Variants in FEZ2 observed in about 807,000 individuals in gnomAD.
FEZ2 encodes the protein fasciculation and elongation protein zeta 2, also known as fasciculation and elongation protein zeta-2.
A neutral mutation model predicts 40.4 loss-of-function variants in FEZ2; 51 were observed. The ratio of observed to expected loss-of-function variants is 1.26; its 90% CI spans 1.01 to 1.59. The LOEUF is 1.59. Among genes scored for constraint, FEZ2 ranks in the 40% most tolerant of loss-of-function variants. The pLI, the probability that FEZ2 is intolerant of heterozygous loss-of-function variation, is 0.00. For missense variants in FEZ2, 640 were observed against 438.3 expected, an observed-to-expected ratio of 1.46 and a Z score of -4.11; for synonymous variants, 242 against 172.0, an observed-to-expected ratio of 1.41 and a Z score of -3.18.
chr2:36,578,531 C>T (rs1668639887), intron 5 of FEZ2, 66 bp downstream of exon 5: 2 of 1,524,000 alleles, frequency 1.3e-6, no homozygotes, highest in African/African-American at 1.4e-5. Flanking sequence ...GCCACCAGCC[C>T]CAAAGGCTGG....
chr2:36,577,261 C>CT lies in FEZ2; in HGVS notation c.903+1335dup, dbSNP rs869150145. Among the ~76,000 whole-genome samples the CT allele has an allele frequency of 2.3e-3, 325 of 143,524 alleles. 1 individual carries two copies. The highest frequency in any genetic ancestry group is 0.01 in the East Asian group (52 of 4,970). 94.2% of individuals were successfully genotyped at this position (143,524 alleles called of 152,430 possible). A position where few individuals can be genotyped will look rare whatever the true frequency, so the allele number is the denominator to read the frequency against. On this transcript the variant is annotated intron_variant, in intron 5 of 7. Coordinates refer to ENST00000405912, the MANE Select transcript of FEZ2 (RefSeq NM_005102.3). ...TCAAAGTCAGTGCATAAGCAATGTC[C>CT]TTTTTTTTTTTTTGAGATGGAGTTT...
chr2:36,581,632 T>C lies in FEZ2; in HGVS notation c.493-201A>G, dbSNP rs78088221. On this transcript the variant is annotated intron_variant, in intron 3 of 7. Coordinates refer to ENST00000405912, the MANE Select transcript of FEZ2 (RefSeq NM_005102.3). Reference sequence around the variant, plus strand: ...GGTTTATCAAGAAAAAATTACAATATACTAAACACAAACCTAAATAGAATT... The same window carrying C: ...GGTTTATCAAGAAAAAATTACAATACACTAAACACAAACCTAAATAGAATT... 8.3e-3 allele frequency: 4,545 copies of C among 549,736 alleles called. 153 individuals carry two copies. The highest frequency in any genetic ancestry group is 0.079 in the African/African-American group (4,174 of 52,638). The allele number at this position is 549,736 out of a possible 1,614,324, so 34.1% of individuals were successfully genotyped here. A position where few individuals can be genotyped will look rare whatever the true frequency, so the allele number is the denominator to read the frequency against.
intron 1 of FEZ2, among the ~76,000 whole-genome samples, chr2:36,593,067 T>A (rs1427380037): frequency 6.6e-6 from 1 of 152,148 alleles, no homozygotes; most frequent in African/African-American, 2.4e-5. Context: ...CCTTCCTGGA[T>A]AAGAAATTTT....
chr2:36,579,054 T>A (rs1320355841), intron 4 of FEZ2, 189 bp from the exon 5 acceptor site: 12 of 582,060 alleles, frequency 2.1e-5, no homozygotes, highest in African/African-American at 2.1e-4. Flanking sequence ...GGAGATCAGA[T>A]CTGAGTAGAG....
At chr2:36,596,498 C>T (rs961661824) in intron 1 of FEZ2, among the ~76,000 whole-genome samples, 3 of 152,188 alleles carry the variant, frequency 2.0e-5, no homozygotes, top group African/African-American at 7.2e-5. Flanking sequence ...GCTCTGACAC[C>T]CAGGCTGGAG....
intron 3 of FEZ2, 133 bp from the exon 4 acceptor site, chr2:36,581,564 G>A (rs1490871230): frequency 9.8e-6 from 7 of 715,788 alleles, no homozygotes; most frequent in South Asian, 6.1e-5. Context: ...GTTCAGGTGT[G>A]GATGCTCCAA....
chr2:36,592,896 C>G (rs1669110703), intron 1 of FEZ2, among the ~76,000 whole-genome samples: 1 of 152,200 alleles, frequency 6.6e-6, no homozygotes, highest in Admixed American at 6.5e-5. Flanking sequence ...ACTAACTCAT[C>G]TACCCAGCAA....
intron 4 of FEZ2, among the ~76,000 whole-genome samples, chr2:36,579,888 G>C (rs1573020463): frequency 6.6e-6 from 1 of 152,178 alleles, no homozygotes; most frequent in African/African-American, 2.4e-5. Flanking sequence ...AATGTGGAGA[G>C]GGGGTCTTTA....
At chr2:36,556,036 G>A (rs768056545) in intron 6 of FEZ2, 4 of 556,286 alleles carry the variant, frequency 7.2e-6, no homozygotes, top group South Asian at 6.1e-5. Context: ...AAGAGGAACT[G>A]GGTTATTTAC....
chr2:36,595,657 A>C (rs1316451475), intron 1 of FEZ2, among the ~76,000 whole-genome samples: 1 of 152,228 alleles, frequency 6.6e-6, no homozygotes, highest in Non-Finnish European at 1.5e-5. Flanking sequence ...TGAGTAAAAC[A>C]ATTATCAATT....
In FEZ2 at chr2:36,555,742, CGAAGA is replaced by C. The variant is rs1438079090; in HGVS notation, c.981_985del (p.Ile327MetfsTer8). 9 of 1,569,948 alleles carry C rather than the reference CGAAGA, an allele frequency of 5.7e-6. No individual in the cohort carries two copies. Among genetic ancestry groups the C allele is most frequent in the African/African-American group, 1.4e-5 (1 of 72,584 alleles). On this transcript the variant is annotated frameshift_variant and splice_region_variant, in exon 7 of 8. Transcript: ENST00000405912. LOFTEE classifies it high-confidence loss of function. ...TTTTTCACTGTCCTCCTTCATGGCA[CGAAGA>C]ACTGCAAAATAGAAGAGGGGAAAAA...
At position 36,590,984 on chromosome 2, in the gene FEZ2, A is replaced by T; in HGVS notation, c.294T>A (p.Tyr98Ter). 1 of 1,611,016 alleles carries T rather than the reference A, an allele frequency of 6.2e-7. No homozygotes were observed. Among genetic ancestry groups the T allele is most frequent in the South Asian group, 1.1e-5 (1 of 91,036 alleles). ...DEIWNALTDN[Y>*]GNVMPVDWKS... ...TCCAGTCTACAGGCATCACATTCCC[A>T]TAATTATCTGTCAGGGCATTCCAAA... is the stretch of plus-strand genomic sequence containing the variant. The change falls in exon 2 of 8, where the codon TAT becomes TAA. Residue 98 changes from tyrosine (Y) to a stop codon, truncating the protein, a stop_gained. Transcript: ENST00000405912. LOFTEE classifies it high-confidence loss of function.
intron 5 of FEZ2, among the ~76,000 whole-genome samples, chr2:36,577,895 C>T (rs567486643): frequency 4.6e-4 from 70 of 152,138 alleles, no homozygotes; most frequent in Non-Finnish European, 8.1e-4. Flanking sequence ...AAAAGAGATC[C>T]CTTTACCCAA....
intron 5 of FEZ2, among the ~76,000 whole-genome samples, chr2:36,561,128 T>C (rs1159116797): frequency 6.6e-6 from 1 of 152,260 alleles, no homozygotes. Flanking sequence ...ATTGTTCCAA[T>C]GTAAATGTTG....
At chr2:36,560,552 A>G (rs1167386932) in intron 5 of FEZ2, among the ~76,000 whole-genome samples, 1 of 152,254 alleles carries the variant, frequency 6.6e-6, no homozygotes, top group East Asian at 1.9e-4. Context: ...GGAGCTATAA[A>G]ACACGTCTTA....
chr2:36,558,742 A>G (rs1000242401), intron 5 of FEZ2: 1 of 321,654 alleles, frequency 3.1e-6, no homozygotes, highest in East Asian at 4.7e-5. Context: ...AACAGAAACA[A>G]CCACCTTTTT....
In FEZ2 at chr2:36,555,638, A is replaced by T. The variant is rs375269793; in HGVS notation, c.1045+45T>A. 1,317 of 1,136,514 alleles carry T rather than the reference A, an allele frequency of 1.2e-3. 26 individuals are homozygous for T. The South Asian group carries it at 0.018, about 16-fold the overall frequency. The allele number at this position is 1,136,514 out of a possible 1,614,324, so 70.4% of individuals were successfully genotyped here. A position where few individuals can be genotyped will look rare whatever the true frequency, so the allele number is the denominator to read the frequency against. Reference sequence around the variant, plus strand: ...AGCAAGGCGATGTATTTACTGACTAATCCAAACCTCCCAGCCATCGCACCT... The same window carrying T: ...AGCAAGGCGATGTATTTACTGACTATTCCAAACCTCCCAGCCATCGCACCT... On this transcript the variant is annotated intron_variant, in intron 7 of 7. Transcript: ENST00000405912.
At chr2:36,590,081 T>G (rs1669021900) in intron 2 of FEZ2, 1 of 152,238 alleles carries the variant, frequency 6.6e-6, no homozygotes, top group Admixed American at 6.5e-5. Flanking sequence ...GTCCCACCAC[T>G]CGTGCTCACA....
chr2:36,574,575 T>A (rs1339257925), intron 5 of FEZ2, among the ~76,000 whole-genome samples: 3 of 151,860 alleles, frequency 2.0e-5, no homozygotes, highest in Non-Finnish European at 4.4e-5. Context: ...CAACTCTGCA[T>A]CGGACAGAGT....
Sources: gnomAD v4.1 joint callset for allele counts (sites outside exome capture counted in the v4.1 genomes callset) on GRCh38, gnomAD v4.1.1 for gene constraint, MANE v1.5 for transcripts, NCBI Gene and HGNC (gene_info 2026-07-23, HGNC 2026-07-21) for gene names.